Variants in PPHLN1 observed in about 807,000 individuals in gnomAD.
PPHLN1 encodes periphilin 1, also known as periphilin-1.
Under a neutral mutation model 51.3 loss-of-function variants are expected in PPHLN1, and 29 were observed. That is an observed-to-expected ratio of 0.57 (90% CI 0.42 to 0.77). The LOEUF is 0.77. Ranked by LOEUF, PPHLN1 falls within the 30% of genes least tolerant of loss-of-function variation. The probability of loss-of-function intolerance (pLI) is 0.00; values close to 1 mark genes in which losing one functional copy is unlikely to be tolerated. For synonymous variants in PPHLN1, 147 were observed against 147.8 expected (o/e 0.99, Z 0.04); for missense variants, 436 against 438.4 (o/e 0.99, Z 0.05).
intron 9 of PPHLN1, among the ~76,000 whole-genome samples, chr12:42,426,092 T>C (rs1305996005): frequency 6.6e-6 from 1 of 152,002 alleles, no homozygotes; most frequent in Non-Finnish European, 1.5e-5. Context: ...TCCCTGAAGC[T>C]ATATGGAAAA....
At chr12:42,360,110 C>CAAAAAAA (rs10643805) in intron 4 of PPHLN1, among the ~76,000 whole-genome samples, 2,649 of 122,888 alleles carry the variant, frequency 0.022, 157 homozygotes, top group African/African-American at 0.084. Flanking sequence ...GACTCCATCT[C>CAAAAAAA]AAAAAAAAAA....
At chr12:42,360,648 C>T (rs1162287748) in intron 4 of PPHLN1, among the ~76,000 whole-genome samples, 1 of 151,636 alleles carries the variant, frequency 6.6e-6, no homozygotes, top group East Asian at 1.9e-4. Context: ...GCGTGTGCCA[C>T]CACCGCTGGC....
At chr12:42,363,379 G>A (rs2138507246) in intron 4 of PPHLN1, among the ~76,000 whole-genome samples, 1 of 151,008 alleles carries the variant, frequency 6.6e-6, no homozygotes, top group South Asian at 2.1e-4. Flanking sequence ...GGGTGTTACA[G>A]GGCCACCTTG....
At chr12:42,425,048 ATG>A (rs1555219810) in intron 9 of PPHLN1, among the ~76,000 whole-genome samples, 8 of 150,966 alleles carry the variant, frequency 5.3e-5, no homozygotes, top group East Asian at 2.0e-4. Flanking sequence ...TTATGTATGT[ATG>A]TATGTATGTA....
At chr12:42,330,567 A>G (rs2063170101) in intron 1 of PPHLN1, among the ~76,000 whole-genome samples, 2 of 152,232 alleles carry the variant, frequency 1.3e-5, no homozygotes. Context: ...GTTGTTAACA[A>G]GGCACATCCT....
At position 42,327,291 on chromosome 12, in the gene PPHLN1, A is replaced by C. The variant is rs530696880; in HGVS notation, c.-21+1062A>C. Reference sequence around the variant, plus strand: ...CCTGCTTAAACTATTTTACATATTCAACTTCTTTAGTGAAATTCTCCTTCA... The same window carrying C: ...CCTGCTTAAACTATTTTACATATTCCACTTCTTTAGTGAAATTCTCCTTCA... On this transcript the variant is annotated intron_variant, in intron 1 of 9. Transcript: ENST00000358314. 7.2e-5 allele frequency among the ~76,000 whole-genome samples: 11 copies of C among 152,246 alleles called. No individual in the cohort carries two copies. The South Asian group carries it at 1.7e-3, about 23-fold the overall frequency.
At chr12:42,443,744 T>G (rs2083136809), downstream of PPHLN1, 1 of 152,202 alleles carries the variant, frequency 6.6e-6, no homozygotes, top group Admixed American at 6.5e-5. Context: ...CAATGCTAAT[T>G]TGCAATCTAT....
chr12:42,382,268 C>G (rs1464406011), intron 5 of PPHLN1, among the ~76,000 whole-genome samples: 1 of 152,120 alleles, frequency 6.6e-6, no homozygotes, highest in African/African-American at 2.4e-5. Flanking sequence ...GATTTTACCT[C>G]AATAGGAAAA....
chr12:42,349,403 G>GTTT (rs199541729), intron 2 of PPHLN1, among the ~76,000 whole-genome samples: 11 of 151,598 alleles, frequency 7.3e-5, no homozygotes, highest in South Asian at 2.1e-4. Context: ...GTTTTGTTTT[G>GTTT]TTTTTTAAAT....
At chr12:42,375,175 C>A in intron 5 of PPHLN1, 101 bp downstream of exon 5, 2 of 992,176 alleles carry the variant, frequency 2.0e-6, no homozygotes, top group Non-Finnish European at 2.9e-6. Flanking sequence ...ATTTTTTAAA[C>A]TTTTTATTTT....
At chr12:42,398,777 T>C (rs1480105750) in intron 8 of PPHLN1, 77 bp from the exon 9 acceptor site, 2 of 1,324,530 alleles carry the variant, frequency 1.5e-6, no homozygotes, top group African/African-American at 3.0e-5. Flanking sequence ...ATTTGCCAGT[T>C]AGTGCCTATA....
At chr12:42,444,012 G>C (rs1480851863), downstream of PPHLN1, 1 of 152,138 alleles carries the variant, frequency 6.6e-6, no homozygotes, top group East Asian at 1.9e-4. Flanking sequence ...CAGGAGAAAA[G>C]AATATCCTAG....
intron 9 of PPHLN1, among the ~76,000 whole-genome samples, chr12:42,420,552 C>G (rs2080898147): frequency 1.3e-5 from 2 of 151,558 alleles, no homozygotes; most frequent in African/African-American, 4.9e-5. Context: ...CTCACTGCAA[C>G]CTCTGCTTCC....
At chr12:42,378,407 A>G (rs566179517) in intron 5 of PPHLN1, among the ~76,000 whole-genome samples, 15 of 152,214 alleles carry the variant, frequency 9.9e-5, no homozygotes, top group African/African-American at 3.1e-4. Flanking sequence ...TGTCACAAAT[A>G]TTGCAGCACC....
At chr12:42,390,589 C>A (rs2139128298) in intron 7 of PPHLN1, among the ~76,000 whole-genome samples, 1 of 151,950 alleles carries the variant, frequency 6.6e-6, no homozygotes, top group Admixed American at 6.5e-5. Context: ...GCTTGATCTA[C>A]ATGCAACTGT....
intron 4 of PPHLN1, among the ~76,000 whole-genome samples, chr12:42,372,792 T>G (rs914648751): frequency 3.3e-5 from 5 of 152,206 alleles, no homozygotes; most frequent in Non-Finnish European, 7.3e-5. Flanking sequence ...CACAAACATC[T>G]TAAATATAAC....
At chr12:42,442,755 G>T (rs1331261357), downstream of PPHLN1, 1 of 1,612,284 alleles carries the variant, frequency 6.2e-7, no homozygotes, top group South Asian at 1.1e-5. Context: ...AGTCATTGGT[G>T]CCCGCTCGGG....
chr12:42,424,975 C>G (rs1592930292), intron 9 of PPHLN1, among the ~76,000 whole-genome samples: 1 of 151,948 alleles, frequency 6.6e-6, no homozygotes, highest in African/African-American at 2.4e-5. Context: ...ACAAAAGTAA[C>G]TTCTACTAAA....
chr12:42,338,884 G>C (rs2071080685), intron 2 of PPHLN1, among the ~76,000 whole-genome samples: 1 of 152,216 alleles, frequency 6.6e-6, no homozygotes, highest in African/African-American at 2.4e-5. Flanking sequence ...AAAAAATACA[G>C]ATGTATTTGA....
Sources: allele counts gnomAD v4.1 joint callset (sites outside exome capture counted in the v4.1 genomes callset), GRCh38; gene constraint gnomAD v4.1.1; transcripts MANE v1.5; gene names NCBI Gene and HGNC (gene_info 2026-07-23, HGNC 2026-07-21).